Variants in ATP8A2 observed in about 807,000 individuals in gnomAD.
ATP8A2 encodes the protein phospholipid-transporting ATPase IB.
A neutral mutation model predicts 165.6 loss-of-function variants in ATP8A2; 100 were observed. The observed-to-expected ratio is 0.60, with a 90% CI of 0.51 to 0.71. The LOEUF is 0.71. Ranked by LOEUF, ATP8A2 falls within the 30% of genes least tolerant of loss-of-function variation. The pLI is 0.00. For synonymous variants in ATP8A2, 543 were observed against 548.8 expected (o/e 0.99, Z 0.15); for missense variants, 1,227 against 1,479.5 (o/e 0.83, Z 2.80).
intron 16 of ATP8A2, among the ~76,000 whole-genome samples, chr13:25,569,503 A>G (rs74840337): frequency 0.023 from 3,439 of 152,290 alleles, 68 homozygotes; most frequent in Admixed American, 0.046. Flanking sequence ...CCAGTTGCCT[A>G]TTTAAAAGGG....
At chr13:25,709,140 C>T (rs1415139302) in intron 25 of ATP8A2, among the ~76,000 whole-genome samples, 3 of 152,100 alleles carry the variant, frequency 2.0e-5, no homozygotes, top group Admixed American at 6.6e-5. Flanking sequence ...ACAGACACCC[C>T]CTCCCCAACC....
At chr13:25,738,530 G>T (rs896372140) in intron 25 of ATP8A2, among the ~76,000 whole-genome samples, 1 of 152,236 alleles carries the variant, frequency 6.6e-6, no homozygotes, top group African/African-American at 2.4e-5. Flanking sequence ...GAGCGAGCAG[G>T]GAACACAGGA....
At chr13:25,577,659 A>G (rs2039656538) in intron 20 of ATP8A2, among the ~76,000 whole-genome samples, 1 of 152,168 alleles carries the variant, frequency 6.6e-6, no homozygotes, top group African/African-American at 2.4e-5. Flanking sequence ...TTTGTCCTGT[A>G]TACCTTCTAG....
At chr13:25,534,606 C>T (rs569180166) in intron 6 of ATP8A2, among the ~76,000 whole-genome samples, 6 of 152,300 alleles carry the variant, frequency 3.9e-5, no homozygotes, top group Admixed American at 1.3e-4. Flanking sequence ...CTGTTTCCAT[C>T]GTTCATTTGG....
At chr13:25,559,556 C>G (rs1160885916) in intron 14 of ATP8A2, among the ~76,000 whole-genome samples, 165 bp from the exon 15 acceptor site, 1 of 152,044 alleles carries the variant, frequency 6.6e-6, no homozygotes, top group Non-Finnish European at 1.5e-5. Flanking sequence ...AACAGAAAAA[C>G]AGCAACAAAA....
chr13:25,661,075 C>G (rs891057591), intron 24 of ATP8A2, among the ~76,000 whole-genome samples: 7 of 152,186 alleles, frequency 4.6e-5, no homozygotes, highest in African/African-American at 1.7e-4. Context: ...ACACGTGCGT[C>G]TCTGAGAGAC....
At chr13:25,884,471 G>C (rs759652486) in intron 33 of ATP8A2, among the ~76,000 whole-genome samples, 2 of 152,244 alleles carry the variant, frequency 1.3e-5, no homozygotes, top group South Asian at 4.2e-4. Context: ...AGCTTCCTTT[G>C]CTCATTAGCA....
At chr13:25,643,105 C>T (rs1418651305) in intron 24 of ATP8A2, among the ~76,000 whole-genome samples, 2 of 152,074 alleles carry the variant, frequency 1.3e-5, no homozygotes, top group Non-Finnish European at 2.9e-5. Context: ...GGAGATATAC[C>T]TAATGTAAAT....
rs967419946 is a variant in ATP8A2 at position 25,751,946 on chromosome 13, C to T, written c.2385-17100C>T. Among the ~76,000 whole-genome samples the T allele has an allele frequency of 3.3e-5, 5 of 150,110 alleles. No homozygotes were observed. The Admixed American group carries it at 3.4e-4, about 10-fold the overall frequency. On this transcript the variant is annotated intron_variant, in intron 25 of 36. Coordinates refer to ENST00000381655, the MANE Select transcript of ATP8A2 (RefSeq NM_016529.6). ...TGTCTAAAATTGGATGCTACTGTTA[C>T]GTGTACTGTTGTAATTTGCTTTCTT...
intron 24 of ATP8A2, among the ~76,000 whole-genome samples, chr13:25,607,014 T>C (rs1463926231): frequency 1.3e-5 from 2 of 152,040 alleles, no homozygotes; most frequent in Non-Finnish European, 2.9e-5. Context: ...GAGCTCCCAT[T>C]TACCACGTGA....
chr13:25,868,005 T>TCG (rs1220265705), intron 33 of ATP8A2: 1 of 393,796 alleles, frequency 2.5e-6, no homozygotes, highest in African/African-American at 2.1e-5. Context: ...GAAGCCAGCC[T>TCG]CGAAGCCCAT....
rs1212078755 is a variant in ATP8A2, at chr13:25,905,436, T to C, written c.3183+43028T>C. On this transcript the variant is annotated intron_variant, in intron 33 of 36. Transcript: ENST00000381655. ...ATATGCTCTCTCTCTCTCTCTCTCT[T>C]ACTTCCCTGTTGGTCTTTCAGTTTT... Among the ~76,000 whole-genome samples, 3 of 149,516 alleles carry C rather than the reference T, an allele frequency of 2.0e-5. No individual in the cohort carries two copies. In the South Asian group the frequency reaches 6.4e-4, roughly 32 times the overall value.
chr13:25,630,578 A>C (rs1246509821), intron 24 of ATP8A2, among the ~76,000 whole-genome samples: 1 of 152,228 alleles, frequency 6.6e-6, no homozygotes, highest in East Asian at 1.9e-4. Flanking sequence ...TTTGCTAAAC[A>C]CAACTAGCTG....
intron 33 of ATP8A2, among the ~76,000 whole-genome samples, chr13:25,909,582 C>A (rs1190220902): frequency 6.6e-6 from 1 of 152,178 alleles, no homozygotes; most frequent in African/African-American, 2.4e-5. Flanking sequence ...ACAATATTTA[C>A]TTCCTTGAAA....
intron 6 of ATP8A2, among the ~76,000 whole-genome samples, chr13:25,536,219 C>G (rs1346627847): frequency 6.6e-6 from 1 of 151,992 alleles, no homozygotes; most frequent in Non-Finnish European, 1.5e-5. Context: ...TCAAGCGATT[C>G]TCCTGCCTCA....
At chr13:25,739,911 TG>T (rs2043869948) in intron 25 of ATP8A2, among the ~76,000 whole-genome samples, 3 of 152,090 alleles carry the variant, frequency 2.0e-5, no homozygotes, top group African/African-American at 7.2e-5. Flanking sequence ...ACAGAAGAAA[TG>T]TGCACCAAAA....
At chr13:25,961,158 G>A (rs1955650902) in intron 33 of ATP8A2, among the ~76,000 whole-genome samples, 1 of 152,172 alleles carries the variant, frequency 6.6e-6, no homozygotes, top group African/African-American at 2.4e-5. Context: ...GCGATGACAT[G>A]GGTCCTGGCT....
intron 15 of ATP8A2, among the ~76,000 whole-genome samples, chr13:25,560,458 G>C (rs1275751033): frequency 6.6e-6 from 1 of 151,910 alleles, no homozygotes; most frequent in African/African-American, 2.4e-5. Flanking sequence ...CCAGCACTTT[G>C]GGAGGCCTAG....
At chr13:25,482,770 T>C (rs1235464431) in intron 2 of ATP8A2, among the ~76,000 whole-genome samples, 1 of 152,222 alleles carries the variant, frequency 6.6e-6, no homozygotes, top group African/African-American at 2.4e-5. Context: ...TATCAGGGGT[T>C]TCCACTTTTG....
Sources: gnomAD v4.1 joint callset for allele counts (sites outside exome capture counted in the v4.1 genomes callset) on GRCh38, gnomAD v4.1.1 for gene constraint, MANE v1.5 for transcripts, NCBI Gene and HGNC (gene_info 2026-07-23, HGNC 2026-07-21) for gene names.